Variants in DOCK7 observed in about 807,000 individuals in gnomAD.
The protein encoded by DOCK7 is dedicator of cytokinesis protein 7.
Under a neutral mutation model 271.0 loss-of-function variants are expected in DOCK7, and 138 were observed. The ratio of observed to expected loss-of-function variants is 0.51; its 90% CI spans 0.44 to 0.59. The LOEUF is 0.59. DOCK7 is among the 20% of genes least tolerant of loss of function. The pLI is 0.00. For missense variants in DOCK7, 2,066 were observed against 2,592.4 expected (o/e 0.80, Z 4.41); for synonymous variants, 823 against 876.1 (o/e 0.94, Z 1.07).
Position 62,539,839 on chromosome 1 carries a change from C to A in DOCK7, c.3099G>T (p.Arg1033Ser), listed in dbSNP as rs151021096. ...TGAAACGTTCTGGAAAACGACTTTT[C>A]CTTGGAGCCTCAAGTTTATCATTAA... The part of the protein sequence containing the change: ...LYFNDKLEAP[R>S]KSRFPERFMD... The change falls in exon 26 of 50, where the codon AGG (arginine) becomes AGT (serine). Residue 1033 changes from arginine (R) to serine (S), a missense_variant. Around this residue, in one of 2 missense-constraint regions of DOCK7, gnomAD observed 1,414 missense variants for 1,670.4 expected, o/e 0.85. Transcript: ENST00000635253. 1 of 1,613,418 alleles carries A rather than the reference C, an allele frequency of 6.2e-7. No individual in the cohort carries two copies. Among genetic ancestry groups the A allele is most frequent in the African/African-American group, 1.3e-5 (1 of 74,870 alleles).
At chr1:62,660,566 T>C (rs1341333216) in intron 2 of DOCK7, among the ~76,000 whole-genome samples, 1 of 152,106 alleles carries the variant, frequency 6.6e-6, no homozygotes, top group South Asian at 2.1e-4. Flanking sequence ...GAAAAACAGA[T>C]TGGTGGCTCC....
chr1:62,502,254 G>A (rs940513717), intron 37 of DOCK7, among the ~76,000 whole-genome samples: 13 of 152,102 alleles, frequency 8.5e-5, no homozygotes, highest in Non-Finnish European at 4.4e-5. Context: ...AGTCACACAC[G>A]AATGCACTGA....
intron 17 of DOCK7, 52 bp downstream of exon 17, chr1:62,578,776 T>C (rs1485087274): frequency 1.7e-6 from 2 of 1,185,054 alleles, no homozygotes; most frequent in Non-Finnish European, 2.3e-6. Context: ...ATATCTTAAA[T>C]ATCACCATTA....
intron 18 of DOCK7, among the ~76,000 whole-genome samples, chr1:62,575,932 T>C (rs1182272827): frequency 7.2e-5 from 11 of 152,286 alleles, no homozygotes. Context: ...TGAAACATAA[T>C]GCTCTCTGAC....
At position 62,559,126 on chromosome 1, in the gene DOCK7, T is replaced by A; in HGVS notation, c.2294A>T (p.Asn765Ile). ...RIGDMRIMEN[N>I]LENELKSSIS... The stretch of plus-strand genomic sequence containing the variant: ...ACTGCTCTTCAATTCATTTTCTAAG[T>A]TATTTTCCATGATTCGCATGTCCCC... The change falls in exon 20 of 50, where the codon AAC (asparagine) becomes ATC (isoleucine). Residue 765 changes from asparagine (N) to isoleucine (I), a missense_variant. By Grantham distance (149) the Asn-to-Ile change is moderately radical (BLOSUM62 -3). Coordinates refer to ENST00000635253, the MANE Select transcript of DOCK7 (RefSeq NM_001367561.1). 6.2e-7 allele frequency: 1 copy of A among 1,613,894 alleles called. No individual in the cohort carries two copies. The highest frequency in any genetic ancestry group is 8.5e-7 in the Non-Finnish European group (1 of 1,179,918).
At chr1:62,631,447 A>T in intron 10 of DOCK7, 42 bp from the exon 11 acceptor site, 1 of 1,495,488 alleles carries the variant, frequency 6.7e-7, no homozygotes, top group Non-Finnish European at 9.0e-7. Context: ...TATACTTGAA[A>T]GAAATCAGTT....
chr1:62,638,726 T>TTA (rs1346445838), intron 7 of DOCK7, among the ~76,000 whole-genome samples: 18 of 149,314 alleles, frequency 1.2e-4, no homozygotes, highest in South Asian at 6.3e-4. Flanking sequence ...ATGATACAAA[T>TTA]TATATATATA....
chr1:62,563,232 C>A (rs774010594), intron 18 of DOCK7, among the ~76,000 whole-genome samples: 1 of 152,114 alleles, frequency 6.6e-6, no homozygotes, highest in Non-Finnish European at 1.5e-5. Context: ...GTAATGTGGA[C>A]CTTCACCTCT....
chr1:62,475,437 A>G, intron 46 of DOCK7, 86 bp from the exon 47 acceptor site: 1 of 1,427,426 alleles, frequency 7.0e-7, no homozygotes, highest in Non-Finnish European at 9.4e-7. Flanking sequence ...AATTAGAAAA[A>G]AAAAAGATCA....
chr1:62,496,652 A>G (rs1237207045), intron 37 of DOCK7, among the ~76,000 whole-genome samples, 155 bp from the exon 38 acceptor site: 1 of 152,212 alleles, frequency 6.6e-6, no homozygotes, highest in African/African-American at 2.4e-5. Flanking sequence ...ATCTTATTTT[A>G]GAAAGGTTGT....
At chr1:62,577,141 T>A (rs1646963610) in intron 18 of DOCK7, 121 bp downstream of exon 18, 2 of 485,078 alleles carry the variant, frequency 4.1e-6, no homozygotes, top group Admixed American at 4.3e-5. Flanking sequence ...AAAATACTTT[T>A]CCTTCATTAT....
At chr1:62,528,073 T>TTTAAG (rs1645066557) in intron 31 of DOCK7, 78 bp downstream of exon 31, 28 of 1,403,564 alleles carry the variant, frequency 2.0e-5, no homozygotes, top group Non-Finnish European at 2.6e-5. Context: ...GATACAATCA[T>TTTAAG]CTCATATATT....
intron 45 of DOCK7, 25 bp from the exon 46 acceptor site, chr1:62,475,968 T>C (rs1645959321): frequency 6.2e-7 from 1 of 1,608,394 alleles, no homozygotes; most frequent in Non-Finnish European, 8.5e-7. Context: ...AGTCCTTCAT[T>C]TCCTCACTGT....
At chr1:62,506,732 G>A (rs1252178196) in intron 35 of DOCK7, among the ~76,000 whole-genome samples, 2 of 151,710 alleles carry the variant, frequency 1.3e-5, no homozygotes, top group African/African-American at 4.8e-5. Context: ...TGGATCACCT[G>A]AGGTCAGGAG....
intron 31 of DOCK7, among the ~76,000 whole-genome samples, chr1:62,524,812 C>T (rs1364486566): frequency 4.7e-5 from 7 of 150,514 alleles, no homozygotes; most frequent in Admixed American, 3.3e-4. Context: ...ACAAGAGAAT[C>T]GCTTGAACCT....
chr1:62,505,528 G>T (rs1266542705), intron 36 of DOCK7, among the ~76,000 whole-genome samples, 154 bp downstream of exon 36: 1 of 152,084 alleles, frequency 6.6e-6, no homozygotes, highest in Non-Finnish European at 1.5e-5. Context: ...AGGCAAAGAA[G>T]AATTAAGGGT....
chr1:62,465,018 C>A (rs553281589), intron 48 of DOCK7, among the ~76,000 whole-genome samples: 1 of 152,272 alleles, frequency 6.6e-6, no homozygotes, highest in East Asian at 1.9e-4. Flanking sequence ...CACATAAACA[C>A]GGACCCTGCA....
chr1:62,514,464 A>G (rs1644598916), intron 31 of DOCK7, among the ~76,000 whole-genome samples: 2 of 152,176 alleles, frequency 1.3e-5, no homozygotes, highest in South Asian at 4.1e-4. Context: ...AATCTATATT[A>G]GTATATAGTA....
At chr1:62,670,048 G>C (rs1164572996) in intron 1 of DOCK7, among the ~76,000 whole-genome samples, 2 of 151,736 alleles carry the variant, frequency 1.3e-5, no homozygotes, top group Non-Finnish European at 2.9e-5. Flanking sequence ...TGGCTGCGGA[G>C]GGTGTACTGG....
Sources: gnomAD v4.1 joint callset for allele counts (sites outside exome capture counted in the v4.1 genomes callset) on GRCh38, gnomAD v4.1.1 for gene constraint, gnomAD v4.1.1 regional missense constraint, MANE v1.5 for transcripts, NCBI Gene and HGNC (gene_info 2026-07-23, HGNC 2026-07-21) for gene names.